Variants in LRCH2 observed in about 807,000 individuals in gnomAD.
The protein encoded by LRCH2 is leucine-rich repeat and calponin homology domain-containing protein 2.
A neutral mutation model predicts 68.9 loss-of-function variants in LRCH2; 38 were observed. The ratio of observed to expected loss-of-function variants is 0.55; its 90% CI spans 0.43 to 0.72. LRCH2 has a LOEUF of 0.72. Ranked by LOEUF, LRCH2 falls within the 30% of genes least tolerant of loss-of-function variation. The pLI, the probability that LRCH2 is intolerant of heterozygous loss-of-function variation, is 0.00. For missense variants in LRCH2, 528 were observed against 572.9 expected (o/e 0.92, Z 0.80); for synonymous variants, 191 against 208.1 (o/e 0.92, Z 0.71).
In LRCH2 at chrX:115,184,537, G is replaced by T; in HGVS notation, c.495C>A (p.Ser165Arg). The T allele has an allele frequency of 8.7e-7, 1 of 1,147,829 alleles. No individual in the cohort carries two copies. The highest frequency in any genetic ancestry group is 2.2e-5 in the South Asian group (1 of 44,897). 94.6% of individuals were successfully genotyped at this position (1,147,829 alleles called of 1,213,427 possible). ...NLQMLTYLNI[S>R]RNLLSTLPKY... ...TTGGCAATGTTGATAAAAGATTTCGGCTGAAAAGAATGAGAAAGTTTCATT... is the reference window on the plus strand; with the variant it reads ...TTGGCAATGTTGATAAAAGATTTCGTCTGAAAAGAATGAGAAAGTTTCATT... The change falls in exon 3 of 21, where the codon AGC becomes AGA. Residue 165 changes from serine to arginine, a missense_variant and splice_region_variant. Ser to Arg is a moderately radical substitution (Grantham distance 110). Transcript: ENST00000317135.
At chrX:115,197,847 T>TCTCTCTCTCTCTCTCACA (rs782358260) in intron 1 of LRCH2, among the ~76,000 whole-genome samples, 406 of 20,555 alleles carry the variant, frequency 0.02, 40 homozygotes, top group East Asian at 0.037. Context: ...TCTCTCTCTC[T>TCTCTCTCTCTCTCTCACA]CACACACACA....
At chrX:115,135,676 G>A (rs782349755) in intron 14 of LRCH2, among the ~76,000 whole-genome samples, 29 of 111,339 alleles carry the variant, frequency 2.6e-4, no homozygotes, top group South Asian at 7.4e-4. Context: ...AAGTTCTACC[G>A]TACGTAAAAT....
chrX:115,225,606 G>A (rs2073113412), intron 1 of LRCH2, among the ~76,000 whole-genome samples: 1 of 111,892 alleles, frequency 8.9e-6, no homozygotes, highest in African/African-American at 3.2e-5. Flanking sequence ...ACATTTGGCT[G>A]TATTAAAATT....
chrX:115,141,797 C>T (rs1267323622), intron 14 of LRCH2, among the ~76,000 whole-genome samples: 1 of 106,120 alleles, frequency 9.4e-6, no homozygotes, highest in East Asian at 3.0e-4. Flanking sequence ...TTGCTTGAAC[C>T]CAAGAGACAG....
At chrX:115,145,405 C>T (rs2072373526) in intron 14 of LRCH2, among the ~76,000 whole-genome samples, 1 of 111,041 alleles carries the variant, frequency 9.0e-6, no homozygotes, top group African/African-American at 3.3e-5. Context: ...TCCTGAGCTA[C>T]CCCATAAGCG....
At position 115,113,329 on chromosome X, in the gene LRCH2, G is replaced by C; in HGVS notation, c.2185C>G (p.Leu729Val). ...TCCAAAATATGATGAGGCAAACAAA[G>C]TCTTTCCTGGAGAAAAAAAAGAGAT... is the stretch of plus-strand genomic sequence containing the variant. ...CKKLGVSQERLCLPHHILEER... is the reference protein window; with the variant it reads ...CKKLGVSQERVCLPHHILEER... The change falls in exon 21 of 21, where the codon CTT (leucine) becomes GTT (valine). Residue 729 changes from leucine (L) to valine (V), a missense_variant. Transcript: ENST00000317135. 1 of 1,175,115 alleles carries C rather than the reference G, an allele frequency of 8.5e-7. No individual in the cohort carries two copies. The highest frequency in any genetic ancestry group is 3.0e-5 in the East Asian group (1 of 33,226).
intron 15 of LRCH2, among the ~76,000 whole-genome samples, chrX:115,129,216 T>G (rs1477988886): frequency 9.0e-6 from 1 of 110,692 alleles, no homozygotes; most frequent in Non-Finnish European, 1.9e-5. Flanking sequence ...ACTGAAGGCT[T>G]GACAGCTGGT....
At chrX:115,145,127 C>A (rs2072370925) in intron 14 of LRCH2, among the ~76,000 whole-genome samples, 1 of 111,292 alleles carries the variant, frequency 9.0e-6, no homozygotes. Flanking sequence ...AACAGAGAAC[C>A]CAGAAACAAC....
chrX:115,227,470 A>G (rs1291498820), intron 1 of LRCH2, among the ~76,000 whole-genome samples: 3 of 109,861 alleles, frequency 2.7e-5, no homozygotes, highest in Non-Finnish European at 5.7e-5. Context: ...TACAACCTTT[A>G]CAAAATATCT....
At chrX:115,201,765 C>T (rs1212182497) in intron 1 of LRCH2, among the ~76,000 whole-genome samples, 1 of 111,480 alleles carries the variant, frequency 9.0e-6, no homozygotes, top group Non-Finnish European at 1.9e-5. Context: ...TCTAGAAAAA[C>T]CTAAAGACTC....
chrX:115,119,034 T>C (rs1455602508), intron 20 of LRCH2, among the ~76,000 whole-genome samples: 2 of 111,349 alleles, frequency 1.8e-5, no homozygotes, highest in Non-Finnish European at 3.8e-5. Context: ...TAATAAGAGC[T>C]ATCTATGACA....
At chrX:115,197,878 C>CACAT in intron 1 of LRCH2, among the ~76,000 whole-genome samples, 1 of 98,712 alleles carries the variant, frequency 1.0e-5, no homozygotes, top group South Asian at 5.2e-4. Context: ...CACACACACA[C>CACAT]ACACATTCCG....
chrX:115,201,206 C>A (rs938731818), intron 1 of LRCH2, among the ~76,000 whole-genome samples: 1 of 110,873 alleles, frequency 9.0e-6, no homozygotes, highest in Non-Finnish European at 1.9e-5. Context: ...CAAGAAAGAC[C>A]CACCCCCATG....
chrX:115,208,562 A>G (rs1221819424), intron 1 of LRCH2, among the ~76,000 whole-genome samples: 2 of 111,551 alleles, frequency 1.8e-5, no homozygotes, highest in African/African-American at 6.5e-5. Flanking sequence ...GAGGAGTCAG[A>G]TGGAATGGAA....
intron 3 of LRCH2, 104 bp downstream of exon 3, chrX:115,184,307 A>C (rs2072715521): frequency 1.5e-6 from 1 of 652,610 alleles, no homozygotes; most frequent in Middle Eastern, 5.6e-4. Context: ...CCAAGTTAGT[A>C]CTTTTTTTAA....
At chrX:115,189,841 G>A (rs991973068) in intron 1 of LRCH2, 47 of 1,166,293 alleles carry the variant, frequency 4.0e-5, no homozygotes, top group East Asian at 1.3e-4. Flanking sequence ...CCGCGGCTAC[G>A]CGGGGTATTT....
intron 1 of LRCH2, among the ~76,000 whole-genome samples, chrX:115,194,684 C>G (rs1247864517): frequency 1.8e-5 from 2 of 111,403 alleles, no homozygotes; most frequent in South Asian, 7.5e-4. Flanking sequence ...AATTAGTACT[C>G]ATAGGGGATG....
At chrX:115,215,456 A>G (rs1457755836) in intron 1 of LRCH2, among the ~76,000 whole-genome samples, 1 of 111,104 alleles carries the variant, frequency 9.0e-6, no homozygotes, top group African/African-American at 3.3e-5. Context: ...AATTATGATA[A>G]CATAATTTGG....
chrX:115,166,978 A>G (rs1364877692), intron 6 of LRCH2, among the ~76,000 whole-genome samples: 1 of 109,133 alleles, frequency 9.2e-6, no homozygotes, highest in African/African-American at 3.3e-5. Context: ...AAAAGACAAA[A>G]CATTACATAT....
Sources: allele counts gnomAD v4.1 joint callset (sites outside exome capture counted in the v4.1 genomes callset), GRCh38; gene constraint gnomAD v4.1.1; transcripts MANE v1.5; gene names NCBI Gene and HGNC (gene_info 2026-07-23, HGNC 2026-07-21).